The following EYS variants were observed in gnomAD, a reference collection of about 807,000 sequenced individuals.
The protein encoded by EYS is protein eyes shut homolog.
In EYS, 250 loss-of-function variants were observed where a neutral mutation model predicts 282.1. The observed-to-expected ratio is 0.89, with a 90% CI of 0.80 to 0.98. The LOEUF is 0.98. Ranked by LOEUF, EYS falls within the 50% of genes least tolerant of loss-of-function variation. EYS has a pLI of 0.00. For synonymous variants in EYS, 1,355 were observed against 1,282.9 expected, an observed-to-expected ratio of 1.06 and a Z score of -1.20; for missense variants, 4,016 against 3,709.0, an observed-to-expected ratio of 1.08 and a Z score of -2.15.
rs1363492326 is a variant in EYS at position 64,710,043 on chromosome 6, TA to T, written c.3444-83799del. On this transcript the variant is annotated intron_variant, in intron 22 of 42. Transcript: ENST00000503581. ...CTTTACTTTGCAGGAAATATACTTC[TA>T]AAAATAAGTATTTCCTTTTAGAAAA... 5.3e-5 allele frequency among the ~76,000 whole-genome samples: 8 copies of T among 152,318 alleles called. No homozygotes were observed. The East Asian group carries it at 1.5e-3, about 29-fold the overall frequency.
chr6:64,863,869 C>T (rs1023134041), intron 19 of EYS, among the ~76,000 whole-genome samples: 11 of 152,148 alleles, frequency 7.2e-5, no homozygotes, highest in African/African-American at 2.2e-4. Flanking sequence ...TCCTGAGAAG[C>T]TGCCTCCTTT....
rs73767124 is a variant in EYS at position 64,844,776 on chromosome 6, T to C, written c.2993-21954A>G. On this transcript the variant is annotated intron_variant, in intron 19 of 42. Transcript: ENST00000503581. The stretch of plus-strand genomic sequence containing the variant: ...AAATCATTTAACATTATTTTCACTT[T>C]GGAAATTAATGCATTCAAATATATT... 6.7e-3 allele frequency among the ~76,000 whole-genome samples: 1,026 copies of C among 152,298 alleles called. 14 individuals are homozygous for C. The highest frequency in any genetic ancestry group is 0.023 in the African/African-American group (975 of 41,572).
Position 63,825,414 on chromosome 6 carries a change from C to T in EYS, c.7229-19042G>A, listed in dbSNP as rs187122720. Among the ~76,000 whole-genome samples the T allele has an allele frequency of 4.5e-3, 681 of 152,312 alleles. 5 individuals carry two copies. The highest frequency in any genetic ancestry group is 7.9e-3 in the Non-Finnish European group (536 of 68,028). On this transcript the variant is annotated intron_variant, in intron 36 of 42. Transcript: ENST00000503581. ...CACACTATAGCTGTTCTGGAAAATG[C>T]CACCTCTGGGCAAGAGGCCAAGCAG...
chr6:65,203,892 T>TAA (rs149582357), intron 12 of EYS, among the ~76,000 whole-genome samples: 3 of 150,262 alleles, frequency 2.0e-5, no homozygotes, highest in South Asian at 2.1e-4. Flanking sequence ...TAACTGGAAA[T>TAA]AAAAAAAAAC....
At chr6:63,930,196 C>T (rs1764843507) in intron 35 of EYS, among the ~76,000 whole-genome samples, 1 of 152,072 alleles carries the variant, frequency 6.6e-6, no homozygotes, top group African/African-American at 2.4e-5. Context: ...ATTCAGTCCA[C>T]AGTGTATATA....
chr6:65,301,119 T>C (rs1768809527), intron 11 of EYS, among the ~76,000 whole-genome samples: 1 of 152,194 alleles, frequency 6.6e-6, no homozygotes, highest in Non-Finnish European at 1.5e-5. Flanking sequence ...CCAACTTAGT[T>C]TGGTGGTTCT....
intron 33 of EYS, among the ~76,000 whole-genome samples, chr6:64,012,740 C>A (rs1468714653): frequency 6.6e-6 from 1 of 152,098 alleles, no homozygotes; most frequent in Non-Finnish European, 1.5e-5. Context: ...TATTTCTTGA[C>A]ATTGTCTGTG....
intron 2 of EYS, among the ~76,000 whole-genome samples, chr6:65,506,871 C>T (rs1229933669): frequency 6.6e-6 from 1 of 152,124 alleles, no homozygotes; most frequent in Non-Finnish European, 1.5e-5. Flanking sequence ...CCTAATTTAT[C>T]TCTCCTGATC....
At chr6:65,384,310 C>G (rs1160564167) in intron 8 of EYS, 76 bp downstream of exon 8, 3 of 790,152 alleles carry the variant, frequency 3.8e-6, no homozygotes, top group Non-Finnish European at 4.4e-6. Flanking sequence ...TTAATAAGAG[C>G]ATTTGAAATA....
At chr6:65,003,677 T>C (rs559079282) in intron 13 of EYS, among the ~76,000 whole-genome samples, 2 of 147,144 alleles carry the variant, frequency 1.4e-5, no homozygotes, top group African/African-American at 4.9e-5. Flanking sequence ...AAAATTTCTC[T>C]CTTTTGTACT....
intron 15 of EYS, among the ~76,000 whole-genome samples, chr6:64,935,625 A>C (rs1768882081): frequency 6.6e-6 from 1 of 151,750 alleles, no homozygotes; most frequent in Non-Finnish European, 1.5e-5. Flanking sequence ...ATGAAAGAGA[A>C]GAAAATACTA....
intron 26 of EYS, among the ~76,000 whole-genome samples, chr6:64,464,705 T>C (rs1562010113): frequency 6.6e-6 from 1 of 152,092 alleles, no homozygotes; most frequent in Non-Finnish European, 1.5e-5. Flanking sequence ...TCCTACTATG[T>C]TCTGTTATAA....
At chr6:65,660,618 T>C (rs957551366) in intron 1 of EYS, among the ~76,000 whole-genome samples, 1 of 151,780 alleles carries the variant, frequency 6.6e-6, no homozygotes, top group Non-Finnish European at 1.5e-5. Context: ...GGGAAATATA[T>C]GTATACTCAC....
chr6:64,657,164 C>A (rs1250965883), intron 22 of EYS, among the ~76,000 whole-genome samples: 1 of 152,086 alleles, frequency 6.6e-6, no homozygotes, highest in Admixed American at 6.6e-5. Flanking sequence ...TTATCAGAGA[C>A]TAGGATTGCA....
intron 5 of EYS, among the ~76,000 whole-genome samples, chr6:65,406,638 T>C (rs1562158426): frequency 6.6e-6 from 1 of 152,136 alleles, no homozygotes. Context: ...CATATACACA[T>C]ACAATTGTTA....
intron 26 of EYS, among the ~76,000 whole-genome samples, chr6:64,526,218 T>C (rs368459147): frequency 2.2e-4 from 33 of 151,732 alleles, no homozygotes; most frequent in African/African-American, 7.7e-4. Flanking sequence ...ATTGTGACTA[T>C]GAAAGGTCAA....
intron 9 of EYS, among the ~76,000 whole-genome samples, chr6:65,345,584 T>C (rs1770361401): frequency 2.0e-5 from 3 of 151,816 alleles, no homozygotes; most frequent in Admixed American, 1.3e-4. Context: ...AATTGAAATT[T>C]ATGATTTGCT....
chr6:64,009,744 C>T (rs1768518809), intron 33 of EYS, among the ~76,000 whole-genome samples: 2 of 152,082 alleles, frequency 1.3e-5, no homozygotes, highest in African/African-American at 2.4e-5. Context: ...GCCATTTAGG[C>T]CTGATTAAGT....
intron 1 of EYS, among the ~76,000 whole-genome samples, chr6:65,647,397 CAAA>C (rs367631115): frequency 6.6e-6 from 1 of 152,114 alleles, no homozygotes; most frequent in African/African-American, 2.4e-5. Flanking sequence ...ACAAAGCAAA[CAAA>C]AACATAAAGT....
Sources: gnomAD v4.1 joint callset for allele counts (sites outside exome capture counted in the v4.1 genomes callset) on GRCh38, gnomAD v4.1.1 for gene constraint, MANE v1.5 for transcripts, NCBI Gene and HGNC (gene_info 2026-07-23, HGNC 2026-07-21) for gene names.